The following ADD3 variants were observed in gnomAD, a reference collection of about 807,000 sequenced individuals.
ADD3 encodes the protein adducin 3, also known as gamma-adducin.
ADD3 carries 25 observed loss-of-function variants against 80.2 expected under a neutral mutation model. The ratio of observed to expected loss-of-function variants is 0.31; its 90% CI spans 0.23 to 0.44. ADD3 has a LOEUF of 0.44. Among genes scored for constraint, ADD3 ranks in the 20% least tolerant of loss-of-function variants. The probability of loss-of-function intolerance (pLI) is 1.00; values close to 1 mark genes in which losing one functional copy is unlikely to be tolerated. For missense variants in ADD3, 829 were observed against 847.5 expected (o/e 0.98, Z 0.27); for synonymous variants, 284 against 289.6 (o/e 0.98, Z 0.20).
At chr10:110,031,388 A>G (rs1855007830) in intron 1 of ADD3, among the ~76,000 whole-genome samples, 1 of 152,228 alleles carries the variant, frequency 6.6e-6, no homozygotes, top group South Asian at 2.1e-4. Flanking sequence ...CATCAGTTCC[A>G]CCGGATTTAT....
chr10:110,122,993 TG>T (rs1299847986), intron 9 of ADD3, among the ~76,000 whole-genome samples: 5 of 152,168 alleles, frequency 3.3e-5, no homozygotes, highest in Non-Finnish European at 7.3e-5. Context: ...TTTCTGTGCC[TG>T]GTTTATTTTA....
chr10:110,122,022 C>T, intron 8 of ADD3, 88 bp from the exon 9 acceptor site: 2 of 1,207,172 alleles, frequency 1.7e-6, no homozygotes, highest in East Asian at 4.8e-5. Flanking sequence ...AGATATTTGC[C>T]AAATTGAAAT....
At chr10:110,014,460 C>T (rs1852688978) in intron 1 of ADD3, among the ~76,000 whole-genome samples, 1 of 152,174 alleles carries the variant, frequency 6.6e-6, no homozygotes, top group Non-Finnish European at 1.5e-5. Context: ...TCCTTATTTC[C>T]ACAGCCAACT....
At chr10:110,106,140 T>C (rs79197292) in intron 2 of ADD3, 1 of 111,278 alleles carries the variant, frequency 9.0e-6, no homozygotes, top group Non-Finnish European at 1.6e-5. Flanking sequence ...GTCTGTAATC[T>C]TTTTTTTTTT....
intron 2 of ADD3, among the ~76,000 whole-genome samples, chr10:110,105,231 A>T (rs1849275192): frequency 6.6e-6 from 1 of 152,194 alleles, no homozygotes; most frequent in Non-Finnish European, 1.5e-5. Flanking sequence ...ACCACTTGGT[A>T]AATTAATTTG....
chr10:110,032,844 A>C (rs1043741574), intron 1 of ADD3, among the ~76,000 whole-genome samples: 1 of 152,194 alleles, frequency 6.6e-6, no homozygotes, highest in African/African-American at 2.4e-5. Context: ...ATTTCTCTTC[A>C]TCTAAAGTAT....
Position 110,122,265 on chromosome 10 carries a change from A to G in ADD3, c.1116A>G (p.Glu372=). ...QKWKVGEIEF[E]GLMRTLDNLG... is the part of the protein sequence containing the mutation. ...GGAAGGTTGGCGAAATTGAGTTTGA[A>G]GGGCTTATGAGGACTCTGGACAACT... Residue 372 remains glutamate (E), a synonymous_variant, in exon 9 of 15, where the codon GAA becomes GAG. Transcript: ENST00000356080. 1 of 1,614,052 alleles carries G rather than the reference A, an allele frequency of 6.2e-7. No homozygotes were observed. The highest frequency in any genetic ancestry group is 1.1e-5 in the South Asian group (1 of 91,066).
intron 1 of ADD3, among the ~76,000 whole-genome samples, chr10:110,083,544 T>G (rs922671533): frequency 2.2e-4 from 33 of 150,882 alleles, no homozygotes; most frequent in Non-Finnish European, 3.0e-5. Context: ...GAAGAAGAAG[T>G]ATGGTGAGCA....
chr10:110,104,458 T>A (rs1043580936), intron 2 of ADD3, among the ~76,000 whole-genome samples: 10 of 152,246 alleles, frequency 6.6e-5, no homozygotes, highest in Admixed American at 1.3e-4. Context: ...CCTTTTGTAC[T>A]GTCTTTGTTC....
intron 1 of ADD3, among the ~76,000 whole-genome samples, chr10:110,011,373 T>C (rs1852311014): frequency 6.6e-6 from 1 of 152,244 alleles, no homozygotes; most frequent in Admixed American, 6.5e-5. Flanking sequence ...TTGTAGTTGA[T>C]ATGTCAAACA....
chr10:110,018,765 CAA>C (rs2133057974), intron 1 of ADD3, among the ~76,000 whole-genome samples: 1 of 152,216 alleles, frequency 6.6e-6, no homozygotes, highest in African/African-American at 2.4e-5. Context: ...ACAGCTACAG[CAA>C]AGACTTATTT....
At chr10:110,127,119 G>A (rs1229199735) in intron 12 of ADD3, among the ~76,000 whole-genome samples, 1 of 152,116 alleles carries the variant, frequency 6.6e-6, no homozygotes, top group East Asian at 1.9e-4. Flanking sequence ...TCCCAGTAAG[G>A]ATACATCACA....
chr10:110,060,520 A>C (rs1858752328), intron 1 of ADD3, among the ~76,000 whole-genome samples: 1 of 152,240 alleles, frequency 6.6e-6, no homozygotes, highest in Non-Finnish European at 1.5e-5. Context: ...TTTCTTTATA[A>C]AGAATCAAAT....
chr10:110,106,624 A>G (rs759842862), intron 2 of ADD3, among the ~76,000 whole-genome samples: 30 of 152,140 alleles, frequency 2.0e-4, no homozygotes, highest in Non-Finnish European at 2.4e-4. Context: ...CTCCCTCGAC[A>G]TTGATAGATA....
chr10:110,081,445 AT>A (rs1167785630), intron 1 of ADD3, among the ~76,000 whole-genome samples: 2 of 152,038 alleles, frequency 1.3e-5, no homozygotes, highest in Admixed American at 1.3e-4. Context: ...TTGGCAAAAA[AT>A]ATATATATAT....
At chr10:110,024,980 T>C (rs941221497) in intron 1 of ADD3, among the ~76,000 whole-genome samples, 1 of 150,260 alleles carries the variant, frequency 6.7e-6, no homozygotes, top group Non-Finnish European at 1.5e-5. Flanking sequence ...CAGGCAGGAG[T>C]GCATTGGGTT....
Position 110,116,366 on chromosome 10 carries a change from G to T in ADD3, c.442G>T (p.Val148Leu). ...RCKLASLYRLVDLFGWAHLAN... is the reference protein window; with the variant it reads ...RCKLASLYRLLDLFGWAHLAN... ...TAAACTTGCCAGCCTGTACAGACTT[G>T]TAGACTTGTTTGGATGGGCACACCT... is the stretch of plus-strand genomic sequence containing the variant. The change falls in exon 4 of 15, where the codon GTA becomes TTA. Residue 148 changes from valine to leucine, a missense_variant. Transcript: ENST00000356080. 1 of 1,614,126 alleles carries T rather than the reference G, an allele frequency of 6.2e-7. No homozygotes were observed. The highest frequency in any genetic ancestry group is 8.5e-7 in the Non-Finnish European group (1 of 1,179,990).
chr10:110,115,608 A>G (rs1374850499), intron 3 of ADD3, among the ~76,000 whole-genome samples: 2 of 152,238 alleles, frequency 1.3e-5, no homozygotes, highest in African/African-American at 4.8e-5. Context: ...TTGTTAAAGG[A>G]GAAAAGCATG....
At chr10:110,040,234 T>A (rs898334189) in intron 1 of ADD3, among the ~76,000 whole-genome samples, 2 of 152,160 alleles carry the variant, frequency 1.3e-5, no homozygotes, top group African/African-American at 2.4e-5. Flanking sequence ...TGTTAGACAT[T>A]GCTAGTTTGA....
Sources: gnomAD v4.1 joint callset for allele counts (sites outside exome capture counted in the v4.1 genomes callset) on GRCh38, gnomAD v4.1.1 for gene constraint, MANE v1.5 for transcripts, NCBI Gene and HGNC (gene_info 2026-07-23, HGNC 2026-07-21) for gene names.